The following NWD2 variants were observed in gnomAD, a reference collection of about 807,000 sequenced individuals.
NWD2 encodes NACHT and WD repeat domain containing 2.
NWD2 carries 37 observed loss-of-function variants against 132.7 expected under a neutral mutation model. The ratio of observed to expected loss-of-function variants is 0.28; its 90% CI spans 0.21 to 0.37. The LOEUF (loss-of-function observed/expected upper bound fraction) is 0.37, where lower values mean the gene tolerates loss of function less well. Among genes scored for constraint, NWD2 ranks in the 10% least tolerant of loss-of-function variants. The pLI, the probability that NWD2 is intolerant of heterozygous loss-of-function variation, is 1.00. For missense variants in NWD2, 1,592 were observed against 2,122.4 expected, an observed-to-expected ratio of 0.75 and a Z score of 4.91; for synonymous variants, 705 against 803.0, an observed-to-expected ratio of 0.88 and a Z score of 2.06.
intron 1 of NWD2, among the ~76,000 whole-genome samples, chr4:37,316,806 CTCTCA>C (rs1718969127): frequency 6.6e-6 from 1 of 152,072 alleles, no homozygotes; most frequent in Admixed American, 6.6e-5. Flanking sequence ...TTATTTATCC[CTCTCA>C]TAAGTATTTC....
chr4:37,298,005 C>A (rs897973513), intron 1 of NWD2, among the ~76,000 whole-genome samples: 1 of 152,082 alleles, frequency 6.6e-6, no homozygotes, highest in Non-Finnish European at 1.5e-5. Flanking sequence ...CACTGCAACA[C>A]GCCACAGGGA....
intron 1 of NWD2, among the ~76,000 whole-genome samples, chr4:37,321,105 C>A (rs189344654): frequency 6.6e-6 from 1 of 151,774 alleles, no homozygotes; most frequent in Non-Finnish European, 1.5e-5. Flanking sequence ...TGCAGTGAGC[C>A]GAGATCATGC....
chr4:37,303,189 A>G (rs1465300412), intron 1 of NWD2, among the ~76,000 whole-genome samples: 1 of 152,052 alleles, frequency 6.6e-6, no homozygotes, highest in Non-Finnish European at 1.5e-5. Flanking sequence ...TCCCAATACC[A>G]TTTATTTGAA....
At chr4:37,360,538 A>G (rs1465804316) in intron 3 of NWD2, among the ~76,000 whole-genome samples, 1 of 152,176 alleles carries the variant, frequency 6.6e-6, no homozygotes, top group Non-Finnish European at 1.5e-5. Flanking sequence ...CCTATCCCCA[A>G]GGAGGGATTC....
intron 5 of NWD2, among the ~76,000 whole-genome samples, chr4:37,434,999 C>T (rs1307247752): frequency 1.3e-5 from 2 of 152,072 alleles, no homozygotes; most frequent in African/African-American, 4.8e-5. Flanking sequence ...AAAACCCACC[C>T]AGTTATTCAG....
At chr4:37,364,342 G>T (rs907228870) in intron 3 of NWD2, among the ~76,000 whole-genome samples, 2 of 152,106 alleles carry the variant, frequency 1.3e-5, no homozygotes, top group African/African-American at 4.8e-5. Flanking sequence ...AGCATTGGCA[G>T]GTGACCCTAG....
chr4:37,428,877 A>T (rs1712077565), intron 3 of NWD2, among the ~76,000 whole-genome samples: 1 of 152,192 alleles, frequency 6.6e-6, no homozygotes, highest in Non-Finnish European at 1.5e-5. Context: ...GATTACAGGC[A>T]CACACCACCA....
intron 3 of NWD2, among the ~76,000 whole-genome samples, chr4:37,379,338 G>A (rs1397907920): frequency 6.6e-6 from 1 of 151,458 alleles, no homozygotes; most frequent in African/African-American, 2.4e-5. Context: ...CCAACAGAAT[G>A]ATGAGGATAG....
At chr4:37,248,270 C>T (rs1285239780) in intron 1 of NWD2, among the ~76,000 whole-genome samples, 1 of 152,158 alleles carries the variant, frequency 6.6e-6, no homozygotes, top group Non-Finnish European at 1.5e-5. Context: ...GAACAGCTGG[C>T]AGGGAACATG....
chr4:37,280,404 C>T (rs778746224), intron 1 of NWD2, among the ~76,000 whole-genome samples: 3 of 152,030 alleles, frequency 2.0e-5, no homozygotes, highest in African/African-American at 7.2e-5. Context: ...GGATGACTCA[C>T]GCCCACACTC....
At chr4:37,334,441 T>C (rs1227892906) in intron 2 of NWD2, among the ~76,000 whole-genome samples, 1 of 152,176 alleles carries the variant, frequency 6.6e-6, no homozygotes, top group East Asian at 1.9e-4. Flanking sequence ...CACATTCTAG[T>C]CACTATATCT....
chr4:37,299,068 C>T (rs1046996263), intron 1 of NWD2, among the ~76,000 whole-genome samples: 5 of 152,116 alleles, frequency 3.3e-5, no homozygotes, highest in Non-Finnish European at 7.4e-5. Context: ...CACTCAATTT[C>T]TCTTCAAATC....
In NWD2 at chr4:37,346,580, T is replaced by C. The variant is rs185064662; in HGVS notation, c.241-9786T>C. Among the ~76,000 whole-genome samples the C allele has an allele frequency of 1.6e-3, 250 of 152,340 alleles. 2 individuals are homozygous for C. The highest frequency in any genetic ancestry group is 5.7e-3 in the African/African-American group (235 of 41,580). Reference sequence around the variant, plus strand: ...ACTAGGGGATTTATAGTGATTGGATTGAATCTGTAGGTTAATTTGGGGAGT... The same window carrying C: ...ACTAGGGGATTTATAGTGATTGGATCGAATCTGTAGGTTAATTTGGGGAGT... On this transcript the variant is annotated intron_variant, in intron 2 of 6. Coordinates refer to ENST00000309447, the MANE Select transcript of NWD2 (RefSeq NM_001144990.2).
intron 3 of NWD2, among the ~76,000 whole-genome samples, chr4:37,425,594 T>C (rs1461193005): frequency 6.6e-6 from 1 of 152,236 alleles, no homozygotes; most frequent in Non-Finnish European, 1.5e-5. Flanking sequence ...CATATGCATT[T>C]CTTCTGTCTA....
In NWD2 at chr4:37,438,780, CCTT is replaced by C. The variant is rs762332151; in HGVS notation, c.707-17_707-15del. The C allele has an allele frequency of 5.3e-5, 79 of 1,502,666 alleles. No individual in the cohort carries two copies. The highest frequency in any genetic ancestry group is 6.4e-5 in the Non-Finnish European group (71 of 1,116,208). 93.1% of individuals were successfully genotyped at this position (1,502,666 alleles called of 1,614,324 possible). A position where few individuals can be genotyped will look rare whatever the true frequency, so the allele number is the denominator to read the frequency against. On this transcript the variant is annotated intron_variant, in intron 5 of 6. Coordinates refer to ENST00000309447, the MANE Select transcript of NWD2 (RefSeq NM_001144990.2). The stretch of plus-strand genomic sequence containing the variant: ...GCTCCTTTGTTCTAAGCAATAAACT[CCTT>C]CTTATATTTTCTTTCAGCTATAGAG...
chr4:37,411,803 A>G (rs767089721), intron 3 of NWD2, among the ~76,000 whole-genome samples: 14 of 152,234 alleles, frequency 9.2e-5, no homozygotes, highest in Non-Finnish European at 1.6e-4. Context: ...AGTCAGCTTT[A>G]TACCTGGGAT....
intron 1 of NWD2, among the ~76,000 whole-genome samples, chr4:37,301,087 A>G (rs1414810127): frequency 2.0e-5 from 3 of 152,010 alleles, no homozygotes; most frequent in Non-Finnish European, 4.4e-5. Flanking sequence ...TTTTTGACAC[A>G]TAATTTTGTT....
chr4:37,407,605 GC>G (rs1721070622), intron 3 of NWD2, among the ~76,000 whole-genome samples: 2 of 152,212 alleles, frequency 1.3e-5, no homozygotes, highest in Non-Finnish European at 2.9e-5. Context: ...CCTTCTAACA[GC>G]CTACAAACTT....
chr4:37,266,660 A>G (rs1717757613), intron 1 of NWD2, among the ~76,000 whole-genome samples: 1 of 152,072 alleles, frequency 6.6e-6, no homozygotes, highest in Non-Finnish European at 1.5e-5. Context: ...TACTGTCGCT[A>G]CCAACTTAGT....
Sources: gnomAD v4.1 joint callset for allele counts (sites outside exome capture counted in the v4.1 genomes callset) on GRCh38, gnomAD v4.1.1 for gene constraint, MANE v1.5 for transcripts, NCBI Gene and HGNC (gene_info 2026-07-23, HGNC 2026-07-21) for gene names.